CLUH: variants seen among roughly 807,000 people sequenced by gnomAD.
CLUH encodes the protein clustered mitochondria protein homolog.
Under a neutral mutation model 139.3 loss-of-function variants are expected in CLUH, and 77 were observed. The ratio of observed to expected loss-of-function variants is 0.55; its 90% CI spans 0.46 to 0.67. The LOEUF is 0.67. Ranked by LOEUF, CLUH falls within the 30% of genes least tolerant of loss-of-function variation. The probability of loss-of-function intolerance (pLI) is 0.00; values close to 1 mark genes in which losing one functional copy is unlikely to be tolerated. For synonymous variants in CLUH, 999 were observed against 801.6 expected, an observed-to-expected ratio of 1.25 and a Z score of -4.16; for missense variants, 1,876 against 1,875.8, an observed-to-expected ratio of 1.00 and a Z score of 0.00.
In CLUH at chr17:2,706,535, C is replaced by T. The variant is rs2070354943; in HGVS notation, c.101-1971G>A. Among the ~76,000 whole-genome samples, 1 of 152,116 alleles carries T rather than the reference C, an allele frequency of 6.6e-6. No homozygotes were observed. The highest frequency in any genetic ancestry group is 1.9e-4 in the East Asian group (1 of 5,190). ...ACCCTCTCCAAGCCTGCAGTGGACT[C>T]CCAGGAACCACGAGGATGTACAAAG... is the stretch of plus-strand genomic sequence containing the variant. On this transcript the variant is annotated intron_variant, in intron 1 of 25. Transcript: ENST00000651024. The surrounding 1 kb of genome is among the most constrained non-coding windows in gnomAD (Gnocchi z 4.6).
intron 1 of CLUH, among the ~76,000 whole-genome samples, chr17:2,708,732 C>G (rs917432253): frequency 6.6e-6 from 1 of 151,966 alleles, no homozygotes; most frequent in African/African-American, 2.4e-5. Flanking sequence ...CCCGCCGACC[C>G]GCTCCCATGG....
At chr17:2,697,073 T>C in intron 10 of CLUH, 131 bp from the exon 11 acceptor site, 1 of 693,262 alleles carries the variant, frequency 1.4e-6, no homozygotes, top group Non-Finnish European at 2.4e-6. Context: ...TGTGCATGAG[T>C]CAACGCAGAA....
At position 2,703,488 on chromosome 17, in the gene CLUH, A is replaced by G. The variant is rs1435882715; in HGVS notation, c.305T>C (p.Val102Ala). ...CTCCTGCACCATCTCCTGGGGGGAC[A>G]CCTGCAGGGAGAAGGCCCCGCCCAC... ...APGIEPFSLQ[V>A]SPQEMVQEIH... Residue 102 changes from valine to alanine, a missense_variant and splice_region_variant, in exon 3 of 26, where the codon GTG becomes GCG. Val to Ala is a moderately conservative substitution (Grantham distance 64). Coordinates refer to ENST00000651024, the MANE Select transcript of CLUH (RefSeq NM_001366661.1). This position sits in a 1 kb window ranked among gnomAD's most constrained non-coding sequence, Gnocchi z 4.2. 4 of 1,612,024 alleles carry G rather than the reference A, an allele frequency of 2.5e-6. No homozygotes were observed. In the Admixed American group the frequency reaches 6.7e-5, roughly 27 times the overall value.
In CLUH at chr17:2,709,182, C is replaced by A. The variant is rs569793534; in HGVS notation, c.100+2380G>T. 3.9e-5 allele frequency among the ~76,000 whole-genome samples: 6 copies of A among 152,282 alleles called. No individual in the cohort carries two copies. In the South Asian group the frequency reaches 1.2e-3, roughly 32 times the overall value. ...ACCTGTGTGCTGCCCAAGCCAGGCA[C>A]AATCTCACTCAGAAGACTGTGCCAG... On this transcript the variant is annotated intron_variant, in intron 1 of 25. Transcript: ENST00000651024.
rs763803322 is a variant in CLUH, at chr17:2,691,753, G to A, written c.3789+8C>T. 1.0e-5 allele frequency: 16 copies of A among 1,596,828 alleles called. No individual in the cohort carries two copies. The highest frequency in any genetic ancestry group is 9.1e-5 in the East Asian group (4 of 44,046). ...CGGGCCGGAGGGGCCGCTCCGCCCC[G>A]GACTCACCTTGAGGGGCGGGATGTT... On this transcript the variant is annotated splice_region_variant and intron_variant, in intron 24 of 25. Coordinates refer to ENST00000651024, the MANE Select transcript of CLUH (RefSeq NM_001366661.1).
rs1464785892 is a variant in CLUH, at chr17:2,701,957, G to A, written c.576C>T (p.Asn192=). 6.2e-7 allele frequency: 1 copy of A among 1,614,014 alleles called. No homozygotes were observed. The highest frequency in any genetic ancestry group is 1.7e-5 in the Admixed American group (1 of 60,034). ...TGAAGACACTCAGGAAGGACAAGGAGTTGCAGTCAACCCCGTTGAAGGCAT... is the reference window on the plus strand; with the variant it reads ...TGAAGACACTCAGGAAGGACAAGGAATTGCAGTCAACCCCGTTGAAGGCAT... ...PSDAFNGVDC[N]SLSFLSVFTD... is the part of the protein sequence containing the mutation. Residue 192 remains asparagine (N), a synonymous_variant, in exon 4 of 26, where the codon AAC becomes AAT. Coordinates refer to ENST00000651024, the MANE Select transcript of CLUH (RefSeq NM_001366661.1).
chr17:2,704,310 C>A lies in CLUH; in HGVS notation c.303+52G>T. ...GAGCAAGGCTGAGCTTTCCAGCTCA[C>A]CCTCCCCAGCAGGCTCAGGCCTGGC... On this transcript the variant is annotated intron_variant, in intron 2 of 25. Transcript: ENST00000651024. The surrounding 1 kb of genome is among the most constrained non-coding windows in gnomAD (Gnocchi z 5.7). 1 of 1,550,212 alleles carries A rather than the reference C, an allele frequency of 6.5e-7. No individual in the cohort carries two copies. The highest frequency in any genetic ancestry group is 1.2e-5 in the South Asian group (1 of 85,410).
Position 2,707,662 on chromosome 17 carries a change from C to G in CLUH, c.101-3098G>C. On this transcript the variant is annotated intron_variant, in intron 1 of 25. Transcript: ENST00000651024. This position sits in a 1 kb window ranked among gnomAD's most constrained non-coding sequence, Gnocchi z 7.4. ...CCCAGCAAGGGGGTCCTCTCCTCCGCTCCCATCCCAGTGGGGGTGAACAGG... is the reference window on the plus strand; with the variant it reads ...CCCAGCAAGGGGGTCCTCTCCTCCGGTCCCATCCCAGTGGGGGTGAACAGG... 3.0e-6 allele frequency: 3 copies of G among 985,414 alleles called. No homozygotes were observed. Among genetic ancestry groups the G allele is most frequent in the Non-Finnish European group, 3.6e-6 (3 of 829,902 alleles). 61.0% of individuals were successfully genotyped at this position (985,414 alleles called of 1,614,324 possible).
chr17:2,696,367 GGCCCAGGCCCCCCAGCGAAGCTC>G (rs2069943651), intron 12 of CLUH, 44 bp downstream of exon 12: 2 of 1,515,008 alleles, frequency 1.3e-6, no homozygotes, highest in African/African-American at 2.8e-5. Context: ...CAGCCCCAAG[GGCCCAGGCCCCCCAGCGAAGCTC>G]TGGCCCTGGA....
intron 1 of CLUH, chr17:2,711,037 A>G: frequency 6.6e-6 from 1 of 152,490 alleles, no homozygotes; most frequent in Admixed American, 6.5e-5. Context: ...CGCCCCTCAC[A>G]ACGCACACCC....
At chr17:2,692,157 T>C (rs918006086) in intron 22 of CLUH, 60 bp from the exon 23 acceptor site, 5 of 1,506,966 alleles carry the variant, frequency 3.3e-6, no homozygotes, top group African/African-American at 2.8e-5. Context: ...TGTGGGGGCC[T>C]GACTCGGGGG....
rs1555529496 is a variant in CLUH at position 2,691,973 on chromosome 17, C to CCCCGCGG, written c.3654+30_3654+31insCCGCGGG. On this transcript the variant is annotated intron_variant, in intron 23 of 25. Coordinates refer to ENST00000651024, the MANE Select transcript of CLUH (RefSeq NM_001366661.1). ...CCCGCCCCGCCACGCCCCCGCCCCG[C>CCCCGCGG]CCCCGCCCCCGCCACGCCCCCGCCG... 83 of 467,062 alleles carry CCCCGCGG rather than the reference C, an allele frequency of 1.8e-4. No individual in the cohort carries two copies. In the African/African-American group the frequency reaches 4.1e-3, roughly 23 times the overall value. 28.9% of individuals were successfully genotyped at this position (467,062 alleles called of 1,614,324 possible).
intron 9 of CLUH, 124 bp from the exon 10 acceptor site, chr17:2,698,714 G>A (rs2070067346): frequency 2.3e-6 from 2 of 877,290 alleles, no homozygotes; most frequent in South Asian, 1.8e-5. Context: ...CAAGGACCCG[G>A]AGCCTCAGTT....
chr17:2,704,693 G>T lies in CLUH; in HGVS notation c.101-129C>A. On this transcript the variant is annotated intron_variant, in intron 1 of 25. Transcript: ENST00000651024. This position sits in a 1 kb window ranked among gnomAD's most constrained non-coding sequence, Gnocchi z 5.7. ...ATGCCCTCGAGAGTCCCAGCCTCAC[G>T]GTCGCGCCTCGCCCTCCGTGCACCT... The T allele has an allele frequency of 2.2e-6, 2 of 904,200 alleles. No homozygotes were observed. Among genetic ancestry groups the T allele is most frequent in the South Asian group, 1.7e-5 (1 of 58,214 alleles). 56.0% of individuals were successfully genotyped at this position (904,200 alleles called of 1,614,324 possible).
Position 2,703,043 on chromosome 17 carries a change from C to T in CLUH, c.475+275G>A. Among the ~76,000 whole-genome samples, 1 of 152,190 alleles carries T rather than the reference C, an allele frequency of 6.6e-6. No individual in the cohort carries two copies. Among genetic ancestry groups the T allele is most frequent in the Non-Finnish European group, 1.5e-5 (1 of 68,028 alleles). ...GTTTCACCATGTTGGCCAGGCAAGT[C>T]TCCAACTCCTGACCTCAGGTGATCC... On this transcript the variant is annotated intron_variant, in intron 3 of 25. Coordinates refer to ENST00000651024, the MANE Select transcript of CLUH (RefSeq NM_001366661.1). The surrounding 1 kb of genome is among the most constrained non-coding windows in gnomAD (Gnocchi z 4.2).
chr17:2,692,133 A>AT, intron 22 of CLUH, 36 bp from the exon 23 acceptor site: 1 of 1,559,838 alleles, frequency 6.4e-7, no homozygotes, highest in South Asian at 1.2e-5. Flanking sequence ...AGGGAAGGGC[A>AT]TAAGTGGGCT....
chr17:2,703,577 C>G lies in CLUH; in HGVS notation c.304-88G>C, dbSNP rs539285297. ...ACCGCCCCGGTGAGAGGCCACGTAG[C>G]GGACAGCAAGGACAATATCCCCTTG... On this transcript the variant is annotated intron_variant, in intron 2 of 25. Transcript: ENST00000651024. This position sits in a 1 kb window ranked among gnomAD's most constrained non-coding sequence, Gnocchi z 4.2. 3.7e-6 allele frequency: 5 copies of G among 1,362,272 alleles called. No homozygotes were observed. Among genetic ancestry groups the G allele is most frequent in the Non-Finnish European group, 5.1e-6 (5 of 980,992 alleles). The allele number at this position is 1,362,272 out of a possible 1,614,324, so 84.4% of individuals were successfully genotyped here.
intron 13 of CLUH, 53 bp from the exon 14 acceptor site, chr17:2,695,579 C>G: frequency 6.6e-7 from 1 of 1,514,318 alleles, no homozygotes; most frequent in Non-Finnish European, 8.8e-7. Context: ...CTCCACCCAA[C>G]TGAGTCCTTC....
At chr17:2,708,206 C>T (rs907014007) in intron 1 of CLUH, among the ~76,000 whole-genome samples, 1 of 152,216 alleles carries the variant, frequency 6.6e-6, no homozygotes, top group Admixed American at 6.5e-5. Context: ...CATCCCCTCC[C>T]CTCCAGGACC....
Sources: allele counts gnomAD v4.1 joint callset (sites outside exome capture counted in the v4.1 genomes callset), GRCh38; gene constraint gnomAD v4.1.1; non-coding constraint Gnocchi (gnomAD v3.1); transcripts MANE v1.5; gene names NCBI Gene and HGNC (gene_info 2026-07-23, HGNC 2026-07-21).